Variants in NTM observed in about 807,000 individuals in gnomAD.
NTM encodes the protein neurotrimin.
A neutral mutation model predicts 42.1 loss-of-function variants in NTM; 13 were observed. The observed-to-expected ratio is 0.31, with a 90% confidence interval of 0.20 to 0.49. The LOEUF (loss-of-function observed/expected upper bound fraction) is 0.49. Ranked by LOEUF, NTM falls within the 20% of genes least tolerant of loss-of-function variation. The pLI is 0.99. For missense variants in NTM, 373 were observed against 452.8 expected, an observed-to-expected ratio of 0.82 and a Z score of 1.60; for synonymous variants, 187 against 179.2, an observed-to-expected ratio of 1.04 and a Z score of -0.35.
intron 3 of NTM, among the ~76,000 whole-genome samples, chr11:132,174,503 T>G (rs1418985748): frequency 6.6e-6 from 1 of 152,180 alleles, no homozygotes; most frequent in Non-Finnish European, 1.5e-5. Flanking sequence ...ATGGACTCAG[T>G]ATGCTGGGTG....
intron 1 of NTM, among the ~76,000 whole-genome samples, chr11:131,581,762 C>T (rs765193491): frequency 3.9e-5 from 6 of 152,242 alleles, no homozygotes; most frequent in East Asian, 1.9e-4. Flanking sequence ...CCTAAAATGG[C>T]CTCCCATGCA....
intron 4 of NTM, among the ~76,000 whole-genome samples, chr11:132,261,132 A>G (rs1256663413): frequency 6.6e-6 from 1 of 152,176 alleles, no homozygotes; most frequent in Non-Finnish European, 1.5e-5. Flanking sequence ...GCACTAACCC[A>G]GTGTCTTCTT....
intron 1 of NTM, among the ~76,000 whole-genome samples, chr11:131,455,893 GA>G (rs1950844325): frequency 6.6e-6 from 1 of 152,228 alleles, no homozygotes; most frequent in African/African-American, 2.4e-5. Context: ...ATTGCGTTTT[GA>G]GGCCGACATA....
intron 1 of NTM, among the ~76,000 whole-genome samples, chr11:131,397,099 C>G (rs369423110): frequency 2.9e-4 from 44 of 152,254 alleles, no homozygotes; most frequent in African/African-American, 9.4e-4. Context: ...CTTGTCTTGT[C>G]AAGTGACATG....
At position 131,548,632 on chromosome 11, in the gene NTM, G is replaced by A. The variant is rs915057097; in HGVS notation, c.82+177744G>A. ...CCCCATCCTGACTTCTTTCTATTCC[G>A]ATCCAGAAAGACTGCCTGTGGGGAG... On this transcript the variant is annotated intron_variant, in intron 1 of 8. Transcript: ENST00000683400. Among the ~76,000 whole-genome samples the A allele has an allele frequency of 6.6e-5, 10 of 152,152 alleles. 1 individual carries two copies. The highest frequency in any genetic ancestry group is 3.3e-4 in the Admixed American group (5 of 15,280).
intron 1 of NTM, among the ~76,000 whole-genome samples, chr11:131,382,732 C>T (rs982457574): frequency 5.3e-5 from 8 of 152,136 alleles, no homozygotes; most frequent in Admixed American, 5.2e-4. Context: ...TTCTGGAGCA[C>T]TAATCATCCT....
At chr11:131,721,996 C>CAAAAAA (rs71475771) in intron 1 of NTM, among the ~76,000 whole-genome samples, 10 of 10,274 alleles carry the variant, frequency 9.7e-4, no homozygotes, top group African/African-American at 1.7e-3. Context: ...AACTCTGTCT[C>CAAAAAA]AAAAAAAAAA....
intron 1 of NTM, among the ~76,000 whole-genome samples, chr11:131,380,246 G>T (rs1401979577): frequency 3.0e-5 from 4 of 135,048 alleles, no homozygotes; most frequent in African/African-American, 1.1e-4. Flanking sequence ...GGAGTCTCCT[G>T]CCTAGGCTTC....
intron 4 of NTM, among the ~76,000 whole-genome samples, chr11:132,289,156 A>G (rs1044306385): frequency 1.3e-5 from 2 of 152,208 alleles, no homozygotes; most frequent in Non-Finnish European, 2.9e-5. Flanking sequence ...GCAATTTGCA[A>G]CAATTCTCAG....
chr11:131,703,139 G>A (rs544880315), intron 1 of NTM, among the ~76,000 whole-genome samples: 1 of 152,128 alleles, frequency 6.6e-6, no homozygotes, highest in Non-Finnish European at 1.5e-5. Context: ...AATAAGTTCT[G>A]GTGTTCCATT....
At chr11:131,672,435 T>C (rs75353836) in intron 1 of NTM, among the ~76,000 whole-genome samples, 2,032 of 152,280 alleles carry the variant, frequency 0.013, 64 homozygotes, top group African/African-American at 0.046. Flanking sequence ...ATGAGCGCTG[T>C]GTGGCTCTGC....
intron 7 of NTM, among the ~76,000 whole-genome samples, chr11:132,325,925 C>CCAAA (rs2095669595): frequency 1.3e-5 from 2 of 151,864 alleles, no homozygotes; most frequent in African/African-American, 4.8e-5. Flanking sequence ...GGACAAAAAA[C>CCAAA]CAAACACCGC....
chr11:132,176,455 A>G (rs2076827283), intron 3 of NTM, among the ~76,000 whole-genome samples: 1 of 152,108 alleles, frequency 6.6e-6, no homozygotes, highest in South Asian at 2.1e-4. Context: ...TTCTTTTTGC[A>G]ACATAGCAAT....
Position 132,311,137 on chromosome 11 carries a change from G to T in NTM, c.782+905G>T, listed in dbSNP as rs151026199. Among the ~76,000 whole-genome samples, 9 of 152,302 alleles carry T rather than the reference G, an allele frequency of 5.9e-5. No homozygotes were observed. In the East Asian group the frequency reaches 1.7e-3, roughly 29 times the overall value. On this transcript the variant is annotated intron_variant, in intron 6 of 8. Coordinates refer to ENST00000683400, the MANE Select transcript of NTM (RefSeq NM_001352005.2). ...GAGAAGGAGAGCAGCATGAGAAACT[G>T]CAGGCCAGGAGCAAGTGAATGGCCG... is the stretch of plus-strand genomic sequence containing the variant.
chr11:131,724,507 C>T (rs1426570781), intron 1 of NTM, among the ~76,000 whole-genome samples: 3 of 152,084 alleles, frequency 2.0e-5, no homozygotes, highest in Non-Finnish European at 4.4e-5. Context: ...CAGACAAATG[C>T]AAATAAGAAC....
intron 1 of NTM, among the ~76,000 whole-genome samples, chr11:131,826,548 A>T (rs1592123131): frequency 1.6e-5 from 2 of 125,360 alleles, no homozygotes; most frequent in South Asian, 5.4e-4. Flanking sequence ...ACGTCGAGGG[A>T]TTGGTCGTAA....
intron 1 of NTM, among the ~76,000 whole-genome samples, chr11:131,440,362 T>A (rs1054011490): frequency 1.3e-5 from 2 of 152,158 alleles, no homozygotes; most frequent in African/African-American, 4.8e-5. Context: ...AGCTACACAT[T>A]TTGGTGAAGA....
intron 1 of NTM, among the ~76,000 whole-genome samples, chr11:131,788,861 A>G (rs1029037877): frequency 6.6e-6 from 1 of 151,094 alleles, no homozygotes; most frequent in Admixed American, 6.6e-5. Context: ...GTTTGAACAC[A>G]TTCTCGGGCA....
At chr11:131,815,314 C>T (rs2092907480) in intron 1 of NTM, among the ~76,000 whole-genome samples, 1 of 152,148 alleles carries the variant, frequency 6.6e-6, no homozygotes, top group Non-Finnish European at 1.5e-5. Flanking sequence ...CCGTGCCCGC[C>T]TCAGCTCTCT....
Sources: gnomAD v4.1 joint callset for allele counts (sites outside exome capture counted in the v4.1 genomes callset) on GRCh38, gnomAD v4.1.1 for gene constraint, MANE v1.5 for transcripts, NCBI Gene and HGNC (gene_info 2026-07-23, HGNC 2026-07-21) for gene names.